The following NEK11 variants were observed in gnomAD, a reference collection of about 807,000 sequenced individuals.
NEK11 encodes the protein serine/threonine-protein kinase Nek11.
Under a neutral mutation model 80.7 loss-of-function variants are expected in NEK11, and 72 were observed. The ratio of observed to expected loss-of-function variants is 0.89; its 90% confidence interval spans 0.74 to 1.08. The LOEUF (loss-of-function observed/expected upper bound fraction) is 1.08, where lower values mean the gene tolerates loss of function less well. NEK11 is among the 50% of genes least tolerant of loss of function. NEK11 has a pLI of 0.00. For synonymous variants in NEK11, 251 were observed against 260.7 expected (o/e 0.96, Z 0.36); for missense variants, 764 against 763.6 (o/e 1.00, Z -0.01).
At chr3:131,117,958 C>A (rs546122609) in intron 5 of NEK11, among the ~76,000 whole-genome samples, 1 of 152,050 alleles carries the variant, frequency 6.6e-6, no homozygotes. Context: ...GATTGAATAC[C>A]CTTTATTTCT....
Position 131,029,866 on chromosome 3 carries a change from G to C in NEK11, c.158G>C (p.Arg53Pro), listed in dbSNP as rs535090384. ...VYLVSDKKAK[R>P]GEELKVLKEI... is the part of the protein sequence containing the mutation. ...CTGGTTTCAGACAAGAAAGCCAAAC[G>C]AGGAGAGGAATTGTAAGTAAAAATG... is the stretch of plus-strand genomic sequence containing the variant. Residue 53 changes from arginine to proline, a missense_variant, in exon 3 of 18, where the codon CGA becomes CCA. By Grantham distance (103) the Arg-to-Pro change is moderately radical. Coordinates refer to ENST00000383366, the MANE Select transcript of NEK11 (RefSeq NM_024800.5). 1 of 1,614,194 alleles carries C rather than the reference G, an allele frequency of 6.2e-7. No individual in the cohort carries two copies. The highest frequency in any genetic ancestry group is 2.2e-5 in the East Asian group (1 of 44,892).
At chr3:131,177,705 A>C (rs1358807981) in intron 14 of NEK11, among the ~76,000 whole-genome samples, 1 of 152,192 alleles carries the variant, frequency 6.6e-6, no homozygotes, top group Non-Finnish European at 1.5e-5. Flanking sequence ...GCGTAGGTTG[A>C]AAAACTGGGA....
rs149191463 is a variant in NEK11 at position 131,349,094 on chromosome 3, C to A, written c.1719-463C>A. 2.3e-3 allele frequency among the ~76,000 whole-genome samples: 357 copies of A among 152,236 alleles called. 3 individuals are homozygous for A. The highest frequency in any genetic ancestry group is 3.7e-3 in the East Asian group (19 of 5,180). ...ATGTTTTAGCCTTAGGGCCAAAATT[C>A]TTTTGCCCCTAGTATTTGTCTTACT... On this transcript the variant is annotated intron_variant, in intron 17 of 17. Transcript: ENST00000383366.
intron 4 of NEK11, among the ~76,000 whole-genome samples, chr3:131,108,732 G>A (rs971110621): frequency 3.0e-4 from 46 of 151,962 alleles, no homozygotes; most frequent in African/African-American, 1.1e-3. Context: ...TGAATGATAG[G>A]ATAGAGCTTA....
chr3:131,275,444 T>C (rs60162068), intron 17 of NEK11, among the ~76,000 whole-genome samples: 8,255 of 152,294 alleles, frequency 0.054, 728 homozygotes, highest in African/African-American at 0.19. Context: ...CCAAGATGCA[T>C]TCTAATGATT....
intron 3 of NEK11, among the ~76,000 whole-genome samples, chr3:131,070,853 T>C (rs1185157830): frequency 1.3e-5 from 2 of 152,200 alleles, no homozygotes; most frequent in African/African-American, 4.8e-5. Flanking sequence ...GGCTCCATTG[T>C]AACTTGCTTT....
rs139264582 is a variant in NEK11 at position 131,126,791 on chromosome 3, CT to C, written c.456-5953del. Among the ~76,000 whole-genome samples, 977 of 152,118 alleles carry C rather than the reference CT, an allele frequency of 6.4e-3. 11 individuals are homozygous for C. The highest frequency in any genetic ancestry group is 0.021 in the African/African-American group (868 of 41,490). ...TCTCTCTTTGAATTTTGCTTCTCCCCTATTCTCCTTTTACAATGCTTAAAGA... is the reference window on the plus strand; with the variant it reads ...TCTCTCTTTGAATTTTGCTTCTCCCCATTCTCCTTTTACAATGCTTAAAGA... On this transcript the variant is annotated intron_variant, in intron 5 of 17. Transcript: ENST00000383366.
chr3:131,268,543 C>T (rs878958425), intron 16 of NEK11, among the ~76,000 whole-genome samples: 4 of 152,222 alleles, frequency 2.6e-5, no homozygotes, highest in Admixed American at 2.0e-4. Context: ...TGCAGGTCTG[C>T]TGGAGTTTGC....
Position 131,040,149 on chromosome 3 carries a change from T to C in NEK11, c.170+10271T>C, listed in dbSNP as rs376647223. 3.3e-5 allele frequency among the ~76,000 whole-genome samples: 5 copies of C among 152,206 alleles called. No individual in the cohort carries two copies. The South Asian group carries it at 6.2e-4, about 19-fold the overall frequency. ...AAATACTGTGAAATTGAATTTCCAT[T>C]CCGTAGTTTAACGAGAACACTTTTT... On this transcript the variant is annotated intron_variant, in intron 3 of 17. Coordinates refer to ENST00000383366, the MANE Select transcript of NEK11 (RefSeq NM_024800.5).
intron 3 of NEK11, among the ~76,000 whole-genome samples, chr3:131,041,506 C>G (rs1057421014): frequency 1.3e-5 from 2 of 151,208 alleles, no homozygotes; most frequent in South Asian, 2.1e-4. Context: ...CATAAAAACT[C>G]TGTGTGTGTG....
chr3:131,273,138 A>G (rs2096229819), intron 16 of NEK11, among the ~76,000 whole-genome samples: 1 of 152,228 alleles, frequency 6.6e-6, no homozygotes, highest in African/African-American at 2.4e-5. Flanking sequence ...GAGAATGGCC[A>G]AAGGGTCCTC....
intron 17 of NEK11, among the ~76,000 whole-genome samples, chr3:131,336,272 A>G (rs548108368): frequency 6.1e-4 from 93 of 152,344 alleles, no homozygotes; most frequent in Non-Finnish European, 1.0e-3. Flanking sequence ...AAACAGAGAT[A>G]TAGATCAATG....
intron 14 of NEK11, among the ~76,000 whole-genome samples, chr3:131,219,744 A>G (rs948120972): frequency 6.6e-6 from 1 of 152,056 alleles, no homozygotes; most frequent in Non-Finnish European, 1.5e-5. Context: ...TGTTTAAATC[A>G]CCCAATCTGT....
intron 5 of NEK11, among the ~76,000 whole-genome samples, chr3:131,131,226 G>GTCC (rs2084419826): frequency 5.9e-5 from 9 of 152,184 alleles, no homozygotes; most frequent in Non-Finnish European, 1.2e-4. Context: ...TTAGGATGAT[G>GTCC]CTGACATCTT....
chr3:131,184,792 C>G (rs926556676), intron 14 of NEK11: 1 of 952,658 alleles, frequency 1.0e-6, no homozygotes, highest in Non-Finnish European at 1.4e-6. Context: ...TCCATGCATA[C>G]TTTTTGAGTC....
chr3:131,166,283 G>T (rs1484600158), intron 12 of NEK11, among the ~76,000 whole-genome samples: 4 of 152,196 alleles, frequency 2.6e-5, no homozygotes, highest in Non-Finnish European at 5.9e-5. Flanking sequence ...GCATGTGAGA[G>T]ATTCTCTCCT....
chr3:131,063,408 G>C (rs1280867737), intron 3 of NEK11, among the ~76,000 whole-genome samples: 1 of 152,090 alleles, frequency 6.6e-6, no homozygotes, highest in African/African-American at 2.4e-5. Flanking sequence ...TTTCATTCCA[G>C]GACCATCTTC....
chr3:131,119,634 CT>C (rs1201984890), intron 5 of NEK11, among the ~76,000 whole-genome samples: 2 of 152,112 alleles, frequency 1.3e-5, no homozygotes, highest in African/African-American at 4.8e-5. Context: ...TAAGGACTTG[CT>C]TTATGAATCT....
intron 3 of NEK11, among the ~76,000 whole-genome samples, chr3:131,062,170 G>A (rs527414086): frequency 5.9e-5 from 9 of 152,314 alleles, no homozygotes; most frequent in Non-Finnish European, 1.0e-4. Flanking sequence ...CAAGGAACAC[G>A]ATTTAGGGTG....
Sources: gnomAD v4.1 joint callset for allele counts (sites outside exome capture counted in the v4.1 genomes callset) on GRCh38, gnomAD v4.1.1 for gene constraint, MANE v1.5 for transcripts, NCBI Gene and HGNC (gene_info 2026-07-23, HGNC 2026-07-21) for gene names.